The following PDE11A variants were observed in gnomAD, a reference collection of about 807,000 sequenced individuals.
The protein encoded by PDE11A is phosphodiesterase 11A.
PDE11A carries 100 observed loss-of-function variants against 100.5 expected under a neutral mutation model. That is an observed-to-expected ratio of 1.00 (90% CI 0.85 to 1.18). The LOEUF is 1.18. PDE11A is among the 50% of genes most tolerant of loss of function. The pLI is 0.00. For missense variants in PDE11A, 1,141 were observed against 1,152.6 expected, an observed-to-expected ratio of 0.99 and a Z score of 0.15; for synonymous variants, 381 against 420.8, an observed-to-expected ratio of 0.91 and a Z score of 1.16.
intron 9 of PDE11A, among the ~76,000 whole-genome samples, chr2:177,778,614 G>T (rs1310478420): frequency 1.3e-5 from 2 of 152,292 alleles, no homozygotes; most frequent in East Asian, 3.9e-4. Flanking sequence ...AAGAAGCTTT[G>T]CTCTCAGCAG....
rs373788999 is a variant in PDE11A at position 177,886,723 on chromosome 2, T to C, written c.1303-10800A>G. Among the ~76,000 whole-genome samples the C allele has an allele frequency of 1.2e-4, 19 of 152,332 alleles. No individual in the cohort carries two copies. The South Asian group carries it at 1.4e-3, about 12-fold the overall frequency. On this transcript the variant is annotated intron_variant, in intron 4 of 19. Transcript: ENST00000286063. The stretch of plus-strand genomic sequence containing the variant: ...TTTTGTTTTCTAATTATAAAAGTAG[T>C]GTACAGAATGCCAGTAGAGATGGTG...
At chr2:178,025,619 G>A (rs745998870) in intron 1 of PDE11A, among the ~76,000 whole-genome samples, 13 of 152,042 alleles carry the variant, frequency 8.6e-5, no homozygotes, top group Non-Finnish European at 1.2e-4. Context: ...AAACCAAAGC[G>A]CAACTGACGT....
At chr2:177,853,924 G>GTA (rs1282411174) in intron 5 of PDE11A, among the ~76,000 whole-genome samples, 1 of 143,654 alleles carries the variant, frequency 7.0e-6, no homozygotes, top group East Asian at 2.0e-4. Context: ...GCATATATAT[G>GTA]TATATATATG....
At chr2:178,031,562 T>C (rs1229042455) in intron 1 of PDE11A, among the ~76,000 whole-genome samples, 2 of 152,010 alleles carry the variant, frequency 1.3e-5, no homozygotes, top group African/African-American at 4.8e-5. Flanking sequence ...GTTTAAAATA[T>C]CAATAAACAT....
intron 19 of PDE11A, among the ~76,000 whole-genome samples, chr2:177,647,491 G>C (rs956235340): frequency 6.6e-6 from 1 of 152,124 alleles, no homozygotes; most frequent in Non-Finnish European, 1.5e-5. Flanking sequence ...TTATATTTGA[G>C]GGTGCCAAAA....
chr2:178,046,219 G>T (rs2086749180), intron 1 of PDE11A, among the ~76,000 whole-genome samples: 1 of 152,132 alleles, frequency 6.6e-6, no homozygotes. Flanking sequence ...TGGGGGGGTT[G>T]GTTGGTACAG....
intron 2 of PDE11A, among the ~76,000 whole-genome samples, chr2:178,095,931 G>A (rs147012326): frequency 8.5e-4 from 130 of 152,274 alleles, no homozygotes; most frequent in African/African-American, 2.9e-3. Flanking sequence ...TCCCAAGGAT[G>A]CACAGAGCAC....
chr2:177,660,100 TC>T (rs769378118), intron 19 of PDE11A, among the ~76,000 whole-genome samples: 38,563 of 89,506 alleles, frequency 0.43, 8,227 homozygotes, highest in South Asian at 0.52. Context: ...TCTTTCTTTC[TC>T]TCTCTCTCTC....
intron 17 of PDE11A, among the ~76,000 whole-genome samples, chr2:177,671,966 C>T (rs2080689684): frequency 1.3e-5 from 2 of 152,140 alleles, no homozygotes; most frequent in Admixed American, 1.3e-4. Flanking sequence ...CACCCCATTC[C>T]CTTTCTGCTC....
At chr2:177,650,354 T>A (rs2080289723) in intron 19 of PDE11A, among the ~76,000 whole-genome samples, 1 of 152,218 alleles carries the variant, frequency 6.6e-6, no homozygotes, top group Non-Finnish European at 1.5e-5. Context: ...TCATTTCTAG[T>A]CCTTTTCTGA....
intron 2 of PDE11A, among the ~76,000 whole-genome samples, chr2:178,004,771 C>G (rs1171577385): frequency 6.6e-6 from 1 of 152,078 alleles, no homozygotes; most frequent in Non-Finnish European, 1.5e-5. Flanking sequence ...TCCTTACCCC[C>G]CAAACTTTTC....
At chr2:177,842,431 G>A (rs991624121) in intron 5 of PDE11A, among the ~76,000 whole-genome samples, 3 of 152,222 alleles carry the variant, frequency 2.0e-5, no homozygotes, top group African/African-American at 7.2e-5. Context: ...TACGAAGTGT[G>A]TTCTTGGCAC....
intron 12 of PDE11A, among the ~76,000 whole-genome samples, chr2:177,726,666 T>TC (rs1574082809): frequency 6.6e-6 from 1 of 151,366 alleles, no homozygotes; most frequent in African/African-American, 2.4e-5. Context: ...CAGAGTTTTT[T>TC]TTTTTTTTTT....
In PDE11A at chr2:177,878,532, T is replaced by C. The variant is rs115779932; in HGVS notation, c.1303-2609A>G. 3.9e-3 allele frequency among the ~76,000 whole-genome samples: 594 copies of C among 152,224 alleles called. 2 individuals carry two copies. The highest frequency in any genetic ancestry group is 0.014 in the African/African-American group (575 of 41,528). On this transcript the variant is annotated intron_variant, in intron 4 of 19. Transcript: ENST00000286063. ...TATGCTGAAAGGGAGCCAAACCACA[T>C]AGAGAGGACATTTTCCTGCAAATGA... is the stretch of plus-strand genomic sequence containing the variant.
chr2:177,767,997 G>T (rs112364926), intron 10 of PDE11A, among the ~76,000 whole-genome samples: 6 of 152,150 alleles, frequency 3.9e-5, no homozygotes, highest in African/African-American at 1.2e-4. Context: ...GTCACCTCTT[G>T]GTGGCACCCT....
At chr2:177,878,076 G>A (rs1455241218) in intron 4 of PDE11A, among the ~76,000 whole-genome samples, 2 of 152,068 alleles carry the variant, frequency 1.3e-5, no homozygotes, top group Admixed American at 1.3e-4. Context: ...TAGAAAAGAA[G>A]GGCTCATCAC....
At chr2:177,705,152 AT>A (rs2081260265) in intron 13 of PDE11A, among the ~76,000 whole-genome samples, 1 of 152,020 alleles carries the variant, frequency 6.6e-6, no homozygotes, top group African/African-American at 2.4e-5. Flanking sequence ...TTGTAAAACC[AT>A]TTTTAAAGAG....
chr2:177,939,010 C>T (rs142971138), intron 2 of PDE11A, among the ~76,000 whole-genome samples: 1 of 152,336 alleles, frequency 6.6e-6, no homozygotes, highest in Admixed American at 6.5e-5. Flanking sequence ...ACCATGCTGA[C>T]ACCTTGATGG....
chr2:177,768,977 T>C (rs1407618958), intron 10 of PDE11A, among the ~76,000 whole-genome samples: 1 of 152,240 alleles, frequency 6.6e-6, no homozygotes, highest in Admixed American at 6.5e-5. Context: ...CAGATGGAAA[T>C]ACAGCCCTAA....
Sources: gnomAD v4.1 joint callset for allele counts (sites outside exome capture counted in the v4.1 genomes callset) on GRCh38, gnomAD v4.1.1 for gene constraint, MANE v1.5 for transcripts, NCBI Gene and HGNC (gene_info 2026-07-23, HGNC 2026-07-21) for gene names.